The following ZNF674 variants were observed in gnomAD, a reference collection of about 807,000 sequenced individuals.
The protein encoded by ZNF674 is zinc finger protein 674.
Under a neutral mutation model 7.0 loss-of-function variants are expected in ZNF674, and 2 were observed. The observed-to-expected ratio is 0.29, with a 90% CI of 0.12 to 0.90. The LOEUF (loss-of-function observed/expected upper bound fraction) is 0.90, where lower values mean the gene tolerates loss of function less well. Ranked by LOEUF, ZNF674 falls within the 40% of genes least tolerant of loss-of-function variation. The pLI is 0.57. For missense variants in ZNF674, 297 were observed against 415.5 expected, an observed-to-expected ratio of 0.71 and a Z score of 2.48; for synonymous variants, 103 against 145.2, an observed-to-expected ratio of 0.71 and a Z score of 2.09.
At chrX:46,527,976 C>A in intron 5 of ZNF674, 1 of 238,567 alleles carries the variant, frequency 4.2e-6, no homozygotes, top group South Asian at 8.3e-5. Flanking sequence ...ACATTTGCAT[C>A]TAGTCTGGTA....
At chrX:46,501,992 C>T (rs1207327247) in intron 5 of ZNF674, among the ~76,000 whole-genome samples, 4 of 109,674 alleles carry the variant, frequency 3.6e-5, no homozygotes, top group Non-Finnish European at 7.6e-5. Flanking sequence ...AACCAACTCT[C>T]ATTGAGGAGT....
intron 5 of ZNF674, among the ~76,000 whole-genome samples, chrX:46,502,335 A>G (rs1336414624): frequency 3.7e-5 from 4 of 107,850 alleles, no homozygotes; most frequent in African/African-American, 1.4e-4. Context: ...AAAATTTAAA[A>G]CCTTAGAAGG....
At chrX:46,521,277 C>T (rs189412811) in intron 5 of ZNF674, among the ~76,000 whole-genome samples, 1 of 109,551 alleles carries the variant, frequency 9.1e-6, no homozygotes, top group Non-Finnish European at 1.9e-5. Flanking sequence ...TTAATATGTA[C>T]TCTACCGAAA....
chrX:46,542,165 G>T, intron 2 of ZNF674, 49 bp from the exon 3 acceptor site: 1 of 707,048 alleles, frequency 1.4e-6, no homozygotes, highest in Non-Finnish European at 2.1e-6. Flanking sequence ...ATAGACATAA[G>T]ATCATCATCA....
chrX:46,520,475 G>C (rs892570170), intron 5 of ZNF674, among the ~76,000 whole-genome samples: 5 of 111,492 alleles, frequency 4.5e-5, no homozygotes, highest in African/African-American at 1.6e-4. Context: ...TATTTGATCT[G>C]TATAGATGTC....
chrX:46,541,980 G>A (rs1373605890), intron 3 of ZNF674, 93 bp downstream of exon 3: 1 of 765,024 alleles, frequency 1.3e-6, no homozygotes, highest in Non-Finnish European at 2.0e-6. Flanking sequence ...AGCCAGAGAA[G>A]AGGGGATAAT....
intron 3 of ZNF674, among the ~76,000 whole-genome samples, chrX:46,540,390 A>C (rs1437153832): frequency 3.6e-5 from 4 of 112,253 alleles, no homozygotes; most frequent in African/African-American, 1.3e-4. Context: ...AATTTTTACT[A>C]TGTGTATGCA....
chrX:46,521,565 C>T (rs1436425461), intron 5 of ZNF674, among the ~76,000 whole-genome samples: 1 of 104,257 alleles, frequency 9.6e-6, no homozygotes, highest in African/African-American at 3.6e-5. Flanking sequence ...GACACTGTCT[C>T]GAAAAAAAGA....
intron 5 of ZNF674, among the ~76,000 whole-genome samples, chrX:46,519,251 TAGATAGATAGATAA>T (rs1941841752): frequency 1.3e-5 from 1 of 74,770 alleles, no homozygotes; most frequent in Admixed American, 1.6e-4. Flanking sequence ...GATAGATAGA[TAGATAGATAGATAA>T]AGATAGATGA....
At chrX:46,537,028 T>C (rs910630165) in intron 3 of ZNF674, among the ~76,000 whole-genome samples, 1 of 111,730 alleles carries the variant, frequency 9.0e-6, no homozygotes, top group African/African-American at 3.3e-5. Context: ...CCTAGGACTT[T>C]GGGAGGCCGA....
At chrX:46,538,704 C>G (rs765322195) in intron 3 of ZNF674, among the ~76,000 whole-genome samples, 2 of 111,361 alleles carry the variant, frequency 1.8e-5, no homozygotes, top group East Asian at 5.6e-4. Flanking sequence ...ACAACCTGGC[C>G]AACACAGTAA....
At chrX:46,505,044 C>G (rs1027083940) in intron 5 of ZNF674, among the ~76,000 whole-genome samples, 2 of 110,109 alleles carry the variant, frequency 1.8e-5, no homozygotes, top group Admixed American at 9.7e-5. Context: ...TGCACACCAC[C>G]ACACCTGGCT....
chrX:46,527,567 T>C (rs887488481), intron 5 of ZNF674, among the ~76,000 whole-genome samples: 1 of 111,890 alleles, frequency 8.9e-6, no homozygotes, highest in Admixed American at 9.6e-5. Context: ...AGCAGTGTTT[T>C]ATAAAGTATT....
At position 46,519,258 on chromosome X, in the gene ZNF674, ATAGATAAAGATAGATGAT is replaced by A. The variant is rs1569476335; in HGVS notation, c.238+9074_238+9091del. ...GATAGATAGATAGATAGATAGATAG[ATAGATAAAGATAGATGAT>A]AGATAGATAGATAGATAGATAGATA... On this transcript the variant is annotated intron_variant, in intron 5 of 5. Transcript: ENST00000683375. Among the ~76,000 whole-genome samples the A allele has an allele frequency of 6.2e-3, 407 of 65,796 alleles. 4 individuals are homozygous for A. The highest frequency in any genetic ancestry group is 0.02 in the African/African-American group (349 of 17,315). 57.1% of individuals were successfully genotyped at this position (65,796 alleles called of 115,157 possible). A position where few individuals can be genotyped will look rare whatever the true frequency, so the allele number is the denominator to read the frequency against.
At chrX:46,518,941 C>T (rs1432052572) in intron 5 of ZNF674, among the ~76,000 whole-genome samples, 4 of 105,646 alleles carry the variant, frequency 3.8e-5, no homozygotes, top group African/African-American at 1.4e-4. Flanking sequence ...CAGTGGTTCA[C>T]GCCTGTAATC....
chrX:46,543,041 C>G (rs1340766396), intron 2 of ZNF674, among the ~76,000 whole-genome samples: 2 of 111,158 alleles, frequency 1.8e-5, no homozygotes, highest in African/African-American at 6.5e-5. Context: ...ACCTCCACCT[C>G]CCGGGTTCAA....
chrX:46,509,807 A>C (rs1300515561), intron 5 of ZNF674, among the ~76,000 whole-genome samples: 1 of 105,083 alleles, frequency 9.5e-6, no homozygotes, highest in East Asian at 3.0e-4. Flanking sequence ...CCAAAGGACT[A>C]TAAATCATGC....
At chrX:46,511,596 G>A (rs1941654329) in intron 5 of ZNF674, among the ~76,000 whole-genome samples, 1 of 112,313 alleles carries the variant, frequency 8.9e-6, no homozygotes, top group Admixed American at 9.5e-5. Context: ...CTAAACACAT[G>A]CAATTGCAAT....
chrX:46,541,915 T>C (rs1942301683), intron 3 of ZNF674, among the ~76,000 whole-genome samples, 158 bp downstream of exon 3: 1 of 111,811 alleles, frequency 8.9e-6, no homozygotes. Flanking sequence ...TCCTCTCTCC[T>C]GGTGAGGGGA....
Sources: allele counts gnomAD v4.1 joint callset (sites outside exome capture counted in the v4.1 genomes callset), GRCh38; gene constraint gnomAD v4.1.1; transcripts MANE v1.5; gene names NCBI Gene and HGNC (gene_info 2026-07-23, HGNC 2026-07-21).